The following PLCXD3 variants were observed in gnomAD, a reference collection of about 807,000 sequenced individuals.
PLCXD3 encodes PI-PLC X domain-containing protein 3.
Under a neutral mutation model 25.5 loss-of-function variants are expected in PLCXD3, and 19 were observed. The ratio of observed to expected loss-of-function variants is 0.75; its 90% CI spans 0.52 to 1.09. The LOEUF (loss-of-function observed/expected upper bound fraction) is 1.09. Among genes scored for constraint, PLCXD3 ranks in the 50% least tolerant of loss-of-function variants. The pLI, the probability that PLCXD3 is intolerant of heterozygous loss-of-function variation, is 0.00. For synonymous variants in PLCXD3, 174 were observed against 137.6 expected, an observed-to-expected ratio of 1.26 and a Z score of -1.85; for missense variants, 411 against 388.1, an observed-to-expected ratio of 1.06 and a Z score of -0.50.
At chr5:41,354,414 AG>A (rs1744560489) in intron 2 of PLCXD3, among the ~76,000 whole-genome samples, 1 of 151,148 alleles carries the variant, frequency 6.6e-6, no homozygotes. Flanking sequence ...CTAAGCCAGA[AG>A]CTTCTCTCTT....
chr5:41,490,062 G>A lies in PLCXD3; in HGVS notation c.103+20362C>T, dbSNP rs1034735185. On this transcript the variant is annotated intron_variant, in intron 1 of 2. Transcript: ENST00000377801. The stretch of plus-strand genomic sequence containing the variant: ...TTTTTGCCCATTCAGTATGATATTG[G>A]CTGTGGGTTTGTCATAGATAGCTCT... Among the ~76,000 whole-genome samples the A allele has an allele frequency of 3.9e-5, 6 of 152,098 alleles. No individual in the cohort carries two copies. The East Asian group carries it at 5.8e-4, about 15-fold the overall frequency.
intron 1 of PLCXD3, among the ~76,000 whole-genome samples, chr5:41,399,753 G>A (rs796142269): frequency 6.6e-6 from 1 of 151,938 alleles, no homozygotes; most frequent in Non-Finnish European, 1.5e-5. Context: ...ACAAGAAAAC[G>A]TTGGAGAAAC....
At chr5:41,497,930 C>T (rs1249470355) in intron 1 of PLCXD3, among the ~76,000 whole-genome samples, 12 of 151,628 alleles carry the variant, frequency 7.9e-5, no homozygotes, top group Non-Finnish European at 1.6e-4. Context: ...TTAAACAATG[C>T]ATCCTTTAAC....
intron 1 of PLCXD3, among the ~76,000 whole-genome samples, chr5:41,470,082 A>G (rs924065908): frequency 1.3e-5 from 2 of 152,202 alleles, no homozygotes; most frequent in African/African-American, 2.4e-5. Context: ...CAGCTAAGGC[A>G]TTATATAAAA....
At chr5:41,427,024 C>T (rs1287258190) in intron 1 of PLCXD3, among the ~76,000 whole-genome samples, 1 of 152,056 alleles carries the variant, frequency 6.6e-6, no homozygotes, top group Non-Finnish European at 1.5e-5. Context: ...TCAATCTCTC[C>T]TTTCTTGTTG....
intron 1 of PLCXD3, among the ~76,000 whole-genome samples, chr5:41,491,614 G>A (rs1748673233): frequency 6.6e-6 from 1 of 152,040 alleles, no homozygotes; most frequent in Non-Finnish European, 1.5e-5. Flanking sequence ...GAATCTGGGT[G>A]CTCCTGTGTT....
Position 41,490,059 on chromosome 5 carries a change from T to A in PLCXD3, c.103+20365A>T, listed in dbSNP as rs796708915. On this transcript the variant is annotated intron_variant, in intron 1 of 2. Transcript: ENST00000377801. ...CAGTTTTTGCCCATTCAGTATGATA[T>A]TGGCTGTGGGTTTGTCATAGATAGC... Among the ~76,000 whole-genome samples, 24 of 151,836 alleles carry A rather than the reference T, an allele frequency of 1.6e-4. No homozygotes were observed. The East Asian group carries it at 4.2e-3, about 27-fold the overall frequency.
chr5:41,404,907 G>C (rs921469504), intron 1 of PLCXD3, among the ~76,000 whole-genome samples: 6 of 152,132 alleles, frequency 3.9e-5, no homozygotes, highest in Non-Finnish European at 8.8e-5. Context: ...TCCATATCCT[G>C]ACCTTGGAAT....
intron 2 of PLCXD3, among the ~76,000 whole-genome samples, chr5:41,351,568 G>T (rs1189916809): frequency 6.6e-6 from 1 of 152,046 alleles, no homozygotes; most frequent in African/African-American, 2.4e-5. Context: ...AAAGCCCAAG[G>T]GCCTGGATTT....
intron 1 of PLCXD3, among the ~76,000 whole-genome samples, chr5:41,413,534 A>G (rs1746614767): frequency 6.6e-6 from 1 of 152,218 alleles, no homozygotes; most frequent in Non-Finnish European, 1.5e-5. Flanking sequence ...TGCCTTTAGG[A>G]ACTTTAAATG....
intron 2 of PLCXD3, among the ~76,000 whole-genome samples, chr5:41,367,905 C>T (rs1744982496): frequency 1.3e-5 from 2 of 152,112 alleles, no homozygotes; most frequent in African/African-American, 4.8e-5. Flanking sequence ...GAATCCTTTT[C>T]TCATTGCTCA....
chr5:41,384,146 T>G (rs74387978), intron 1 of PLCXD3, among the ~76,000 whole-genome samples: 6,767 of 152,212 alleles, frequency 0.044, 193 homozygotes, highest in Non-Finnish European at 0.062. Context: ...CATGTTTAAT[T>G]TAATCTGAAA....
Position 41,405,300 on chromosome 5 carries a change from C to T in PLCXD3, c.104-22766G>A, listed in dbSNP as rs538938789. Among the ~76,000 whole-genome samples, 55 of 152,176 alleles carry T rather than the reference C, an allele frequency of 3.6e-4. No individual in the cohort carries two copies. The East Asian group carries it at 7.0e-3, about 19-fold the overall frequency. ...ATGGAATTCTGGAGTGAAGCTTACC[C>T]TTTTGTCTTGCCATATGAAAGTTTT... is the stretch of plus-strand genomic sequence containing the variant. On this transcript the variant is annotated intron_variant, in intron 1 of 2. Coordinates refer to ENST00000377801, the MANE Select transcript of PLCXD3 (RefSeq NM_001005473.3).
chr5:41,323,175 T>G (rs553977964), intron 2 of PLCXD3, among the ~76,000 whole-genome samples: 5 of 150,814 alleles, frequency 3.3e-5, no homozygotes, highest in Non-Finnish European at 7.4e-5. Context: ...AATCAAAACA[T>G]TGAACTCATG....
At chr5:41,407,221 A>G (rs1009328332) in intron 1 of PLCXD3, among the ~76,000 whole-genome samples, 1 of 152,192 alleles carries the variant, frequency 6.6e-6, no homozygotes, top group African/African-American at 2.4e-5. Context: ...CTGGATAGGC[A>G]GTGGTTCATT....
At chr5:41,358,220 G>T (rs1388020228) in intron 2 of PLCXD3, among the ~76,000 whole-genome samples, 1 of 152,158 alleles carries the variant, frequency 6.6e-6, no homozygotes, top group Non-Finnish European at 1.5e-5. Context: ...TATGGAACTT[G>T]CCTAAGATCA....
At chr5:41,396,027 C>CA (rs550052303) in intron 1 of PLCXD3, among the ~76,000 whole-genome samples, 3 of 147,732 alleles carry the variant, frequency 2.0e-5, no homozygotes, top group South Asian at 4.2e-4. Flanking sequence ...CAAAACAAAA[C>CA]AAAAAACACA....
At chr5:41,391,406 A>T (rs1157597311) in intron 1 of PLCXD3, among the ~76,000 whole-genome samples, 1 of 152,134 alleles carries the variant, frequency 6.6e-6, no homozygotes, top group Non-Finnish European at 1.5e-5. Context: ...CAGAGTCATG[A>T]GGTCCCCATT....
At chr5:41,477,918 A>T (rs138844136) in intron 1 of PLCXD3, among the ~76,000 whole-genome samples, 1 of 152,306 alleles carries the variant, frequency 6.6e-6, no homozygotes, top group Non-Finnish European at 1.5e-5. Flanking sequence ...TAGCTGGGAA[A>T]ATTACAAAGT....
Sources: allele counts gnomAD v4.1 joint callset (sites outside exome capture counted in the v4.1 genomes callset), GRCh38; gene constraint gnomAD v4.1.1; transcripts MANE v1.5; gene names NCBI Gene and HGNC (gene_info 2026-07-23, HGNC 2026-07-21).